The following CFTR variants were observed in gnomAD, a reference collection of about 807,000 sequenced individuals.
The protein encoded by CFTR is CF transmembrane conductance regulator.
CFTR carries 181 observed loss-of-function variants against 171.6 expected under a neutral mutation model. That is an observed-to-expected ratio of 1.05 (90% confidence interval 0.93 to 1.19). CFTR has a LOEUF of 1.19. CFTR is among the 50% of genes most tolerant of loss of function. The probability of loss-of-function intolerance (pLI) is 0.00; values close to 1 mark genes in which losing one functional copy is unlikely to be tolerated. For synonymous variants in CFTR, 583 were observed against 608.0 expected (o/e 0.96, Z 0.60); for missense variants, 1,968 against 1,734.7 (o/e 1.13, Z -2.39).
intron 10 of CFTR, among the ~76,000 whole-genome samples, chr7:117,555,601 A>T (rs1799339540): frequency 6.6e-6 from 1 of 152,206 alleles, no homozygotes; most frequent in Non-Finnish European, 1.5e-5. Flanking sequence ...ATCCATACAA[A>T]GTGCCACTAG....
intron 22 of CFTR, among the ~76,000 whole-genome samples, chr7:117,631,356 T>A (rs1182263493): frequency 6.6e-6 from 1 of 152,094 alleles, no homozygotes; most frequent in African/African-American, 2.4e-5. Context: ...CCTTTGTTAT[T>A]CATATCAAGC....
At chr7:117,610,791 A>AT (rs1792374304) in intron 19 of CFTR, 122 bp downstream of exon 19, 23 of 1,024,104 alleles carry the variant, frequency 2.2e-5, no homozygotes, top group Non-Finnish European at 3.2e-5. Context: ...TATAACAATA[A>AT]TTTTTTTCTA....
chr7:117,651,310 A>C (rs1793086614), intron 23 of CFTR, among the ~76,000 whole-genome samples: 1 of 152,196 alleles, frequency 6.6e-6, no homozygotes, highest in African/African-American at 2.4e-5. Context: ...ATATATAAAA[A>C]AAGCAAATGG....
chr7:117,622,661 A>C (rs1315875197), intron 21 of CFTR, among the ~76,000 whole-genome samples: 1 of 152,140 alleles, frequency 6.6e-6, no homozygotes, highest in Non-Finnish European at 1.5e-5. Flanking sequence ...GTATGATGGC[A>C]CATAGTTTGG....
At chr7:117,649,517 A>T (rs13310092) in intron 23 of CFTR, among the ~76,000 whole-genome samples, 8,539 of 60,294 alleles carry the variant, frequency 0.14, 544 homozygotes, top group African/African-American at 0.46. Flanking sequence ...ATATATATAT[A>T]TATTTTTTTT....
intron 1 of CFTR, among the ~76,000 whole-genome samples, chr7:117,500,308 C>T (rs1315208887): frequency 5.5e-5 from 5 of 91,640 alleles, no homozygotes; most frequent in East Asian, 3.9e-4. Flanking sequence ...TTTTTTGAGA[C>T]GGAGTTTTGC....
chr7:117,617,902 C>T (rs1792518231), intron 21 of CFTR, among the ~76,000 whole-genome samples: 1 of 152,232 alleles, frequency 6.6e-6, no homozygotes, highest in South Asian at 2.1e-4. Flanking sequence ...TCATTGTTCT[C>T]CTCAACCCAT....
At chr7:117,616,916 C>G (rs1245777042) in intron 21 of CFTR, among the ~76,000 whole-genome samples, 2 of 152,082 alleles carry the variant, frequency 1.3e-5, no homozygotes, top group Non-Finnish European at 2.9e-5. Flanking sequence ...GTGCTGTCAC[C>G]CATGCCATTG....
At chr7:117,495,607 A>G (rs1798224409) in intron 1 of CFTR, among the ~76,000 whole-genome samples, 1 of 152,214 alleles carries the variant, frequency 6.6e-6, no homozygotes, top group Non-Finnish European at 1.5e-5. Context: ...TTGCTTCTAG[A>G]GGACAGAAAA....
chr7:117,535,348 T>C lies in CFTR; in HGVS notation c.680T>C (p.Leu227Pro). 1 of 1,614,122 alleles carries C rather than the reference T, an allele frequency of 6.2e-7. No individual in the cohort carries two copies. The highest frequency in any genetic ancestry group is 8.5e-7 in the Non-Finnish European group (1 of 1,180,014). The change falls in exon 6 of 27, where the codon CTT becomes CCT. Residue 227 changes from leucine (L) to proline (P), a missense_variant. Coordinates refer to ENST00000003084, the MANE Select transcript of CFTR (RefSeq NM_000492.4). ...TTACAGGCGTCTGCCTTCTGTGGACTTGGTTTCCTGATAGTCCTTGCCCTT... is the reference window on the plus strand; with the variant it reads ...TTACAGGCGTCTGCCTTCTGTGGACCTGGTTTCCTGATAGTCCTTGCCCTT... ...ELLQASAFCG[L>P]GFLIVLALFQ... is the part of the protein sequence containing the mutation.
At chr7:117,578,150 A>G (rs1028256085) in intron 11 of CFTR, among the ~76,000 whole-genome samples, 18 of 151,992 alleles carry the variant, frequency 1.2e-4, no homozygotes, top group Non-Finnish European at 2.4e-4. Flanking sequence ...TGACCTTTGA[A>G]CAACACGGGT....
chr7:117,602,792 G>GA (rs772093414), intron 15 of CFTR, 34 bp from the exon 16 acceptor site: 19 of 1,605,144 alleles, frequency 1.2e-5, no homozygotes, highest in African/African-American at 2.7e-5. Context: ...GAAGATGTTA[G>GA]AAAAAAAATC....
intron 15 of CFTR, among the ~76,000 whole-genome samples, chr7:117,596,913 G>T (rs1792138795): frequency 6.6e-6 from 1 of 151,976 alleles, no homozygotes; most frequent in Non-Finnish European, 1.5e-5. Context: ...TGAGGAGGTG[G>T]AGAACTTTTG....
chr7:117,498,488 G>A (rs1247742606), intron 1 of CFTR, among the ~76,000 whole-genome samples: 1 of 152,148 alleles, frequency 6.6e-6, no homozygotes, highest in Admixed American at 6.5e-5. Flanking sequence ...AAGCCTACAA[G>A]TTTTACACAG....
intron 11 of CFTR, among the ~76,000 whole-genome samples, chr7:117,585,485 G>T (rs1460234637): frequency 6.6e-6 from 1 of 152,074 alleles, no homozygotes; most frequent in African/African-American, 2.4e-5. Flanking sequence ...ATGGAAAACT[G>T]TAATAATTCT....
intron 22 of CFTR, among the ~76,000 whole-genome samples, chr7:117,630,038 G>C (rs991148463): frequency 4.6e-5 from 7 of 152,178 alleles, no homozygotes; most frequent in Non-Finnish European, 8.8e-5. Flanking sequence ...TTCTGTCCCA[G>C]GACATGATAA....
rs762380161 is a variant in CFTR, at chr7:117,535,373, T to A, written c.705T>A (p.Leu235=). Residue 235 remains leucine, a synonymous_variant, in exon 6 of 27, where the codon CTT becomes CTA. Coordinates refer to ENST00000003084, the MANE Select transcript of CFTR (RefSeq NM_000492.4). Reference sequence around the variant, plus strand: ...TTGGTTTCCTGATAGTCCTTGCCCTTTTTCAGGCTGGGCTAGGGAGAATGA... The same window carrying A: ...TTGGTTTCCTGATAGTCCTTGCCCTATTTCAGGCTGGGCTAGGGAGAATGA... ...CGLGFLIVLA[L]FQAGLGRMMM... is the part of the protein sequence containing the mutation. 6.2e-7 allele frequency: 1 copy of A among 1,614,108 alleles called. No individual in the cohort carries two copies. Among genetic ancestry groups the A allele is most frequent in the Non-Finnish European group, 8.5e-7 (1 of 1,180,020 alleles).
rs767117028 is a variant in CFTR, at chr7:117,591,942, G to A, written c.1775G>A (p.Cys592Tyr). ...GTTTTTATATCTTAAAGCTGTGTCTGTAAACTGATGGCTAACAAAACTAGG... is the reference window on the plus strand; with the variant it reads ...GTTTTTATATCTTAAAGCTGTGTCTATAAACTGATGGCTAACAAAACTAGG... ...TEKEIFESCV[C>Y]KLMANKTRIL... Residue 592 changes from cysteine to tyrosine, a missense_variant, in exon 14 of 27, where the codon TGT becomes TAT. Coordinates refer to ENST00000003084, the MANE Select transcript of CFTR (RefSeq NM_000492.4). The A allele has an allele frequency of 1.3e-6, 2 of 1,578,728 alleles. No homozygotes were observed. The highest frequency in any genetic ancestry group is 3.7e-5 in the Admixed American group (2 of 54,770).
chr7:117,648,346 T>C (rs1793029802), intron 23 of CFTR, among the ~76,000 whole-genome samples: 1 of 152,016 alleles, frequency 6.6e-6, no homozygotes, highest in Non-Finnish European at 1.5e-5. Flanking sequence ...CCTGTTGCAG[T>C]GAAATATACA....
Sources: gnomAD v4.1 joint callset for allele counts (sites outside exome capture counted in the v4.1 genomes callset) on GRCh38, gnomAD v4.1.1 for gene constraint, MANE v1.5 for transcripts, NCBI Gene and HGNC (gene_info 2026-07-23, HGNC 2026-07-21) for gene names.